The following RBFOX1 variants were observed in gnomAD, a reference collection of about 807,000 sequenced individuals.
RBFOX1 encodes the protein RNA binding protein fox-1 homolog 1.
In RBFOX1, 8 loss-of-function variants were observed where a neutral mutation model predicts 57.7. The ratio of observed to expected loss-of-function variants is 0.14; its 90% CI spans 0.08 to 0.25. The LOEUF (loss-of-function observed/expected upper bound fraction) is 0.25. Ranked by LOEUF, RBFOX1 falls within the 10% of genes least tolerant of loss-of-function variation. The pLI is 1.00. For synonymous variants in RBFOX1, 326 were observed against 222.4 expected, an observed-to-expected ratio of 1.47 and a Z score of -4.15; for missense variants, 611 against 548.5, an observed-to-expected ratio of 1.11 and a Z score of -1.14.
chr16:6,084,848 T>G (rs1163296959), intron 1 of RBFOX1, among the ~76,000 whole-genome samples: 1 of 152,188 alleles, frequency 6.6e-6, no homozygotes, highest in Non-Finnish European at 1.5e-5. Flanking sequence ...TTAAGTAATT[T>G]TGACCTTGAG....
intron 2 of RBFOX1, among the ~76,000 whole-genome samples, chr16:5,544,394 A>G (rs1567213103): frequency 1.3e-5 from 2 of 152,228 alleles, no homozygotes; most frequent in East Asian, 3.8e-4. Context: ...AAAACACAAC[A>G]TATCAAAATT....
intron 5 of RBFOX1, among the ~76,000 whole-genome samples, chr16:7,520,441 G>A (rs1453185515): frequency 6.6e-6 from 1 of 151,926 alleles, no homozygotes; most frequent in Non-Finnish European, 1.5e-5. Flanking sequence ...CCCTCTCCCC[G>A]GCCCCTGGCA....
At chr16:6,838,502 A>G (rs570003182) in intron 3 of RBFOX1, among the ~76,000 whole-genome samples, 1 of 152,332 alleles carries the variant, frequency 6.6e-6, no homozygotes, top group African/African-American at 2.4e-5. Context: ...GCATGCAATT[A>G]AAAGTGGGTA....
chr16:5,879,510 C>G (rs542343980), intron 4 of RBFOX1, among the ~76,000 whole-genome samples: 2 of 152,074 alleles, frequency 1.3e-5, no homozygotes, highest in Non-Finnish European at 2.9e-5. Context: ...TTGTATTTTT[C>G]GTGGAGACAG....
intron 3 of RBFOX1, among the ~76,000 whole-genome samples, chr16:5,799,491 C>G (rs1442407085): frequency 1.3e-5 from 2 of 152,188 alleles, no homozygotes; most frequent in Non-Finnish European, 2.9e-5. Flanking sequence ...GATATGGAAG[C>G]AACATACATT....
intron 11 of RBFOX1, among the ~76,000 whole-genome samples, chr16:7,643,628 C>T (rs921963859): frequency 6.6e-6 from 1 of 152,198 alleles, no homozygotes; most frequent in Non-Finnish European, 1.5e-5. Context: ...TGCTCACTAA[C>T]TCTACAGAAT....
At chr16:7,018,253 T>A (rs778706178) in intron 3 of RBFOX1, among the ~76,000 whole-genome samples, 1 of 152,134 alleles carries the variant, frequency 6.6e-6, no homozygotes, top group Non-Finnish European at 1.5e-5. Context: ...TCTAGGTGTT[T>A]CCTCCAGCTT....
At chr16:6,845,405 C>A (rs1432316373) in intron 3 of RBFOX1, among the ~76,000 whole-genome samples, 4 of 151,974 alleles carry the variant, frequency 2.6e-5, no homozygotes, top group African/African-American at 9.7e-5. Context: ...TATGGCCAGA[C>A]AGTTGTCCCA....
At chr16:6,991,810 G>C (rs988448443) in intron 3 of RBFOX1, among the ~76,000 whole-genome samples, 5 of 152,144 alleles carry the variant, frequency 3.3e-5, no homozygotes, top group South Asian at 4.1e-4. Flanking sequence ...GTGCTGCTAG[G>C]ATTACAGGTG....
chr16:7,270,681 T>C (rs1367646202), intron 4 of RBFOX1, among the ~76,000 whole-genome samples: 1 of 152,156 alleles, frequency 6.6e-6, no homozygotes, highest in East Asian at 1.9e-4. Context: ...ACCTTCTCTT[T>C]AAAAATGGAA....
chr16:5,891,628 A>G (rs2058046719), intron 4 of RBFOX1, among the ~76,000 whole-genome samples: 1 of 152,188 alleles, frequency 6.6e-6, no homozygotes, highest in African/African-American at 2.4e-5. Context: ...AGGGTGCACC[A>G]GGAAGCTCCG....
chr16:7,060,337 G>A (rs541507645), intron 4 of RBFOX1, among the ~76,000 whole-genome samples: 13 of 152,108 alleles, frequency 8.5e-5, no homozygotes, highest in Admixed American at 3.9e-4. Context: ...GGTGTATGTG[G>A]GAAGGTTAAT....
intron 4 of RBFOX1, among the ~76,000 whole-genome samples, chr16:6,004,304 C>A (rs943547128): frequency 3.3e-5 from 5 of 152,218 alleles, no homozygotes; most frequent in African/African-American, 1.2e-4. Flanking sequence ...TTGGACATTT[C>A]ACTTAGCTTC....
chr16:6,467,066 A>T (rs1457052948), intron 2 of RBFOX1, among the ~76,000 whole-genome samples: 1 of 151,050 alleles, frequency 6.6e-6, no homozygotes, highest in Non-Finnish European at 1.5e-5. Context: ...ATGGGATTTT[A>T]TTTAATATAC....
At chr16:7,199,656 G>A (rs1376009001) in intron 4 of RBFOX1, among the ~76,000 whole-genome samples, 1 of 152,202 alleles carries the variant, frequency 6.6e-6, no homozygotes, top group Non-Finnish European at 1.5e-5. Context: ...CACTTTGGCA[G>A]GCTGAGGCAG....
intron 2 of RBFOX1, among the ~76,000 whole-genome samples, chr16:6,342,423 C>G (rs903118404): frequency 2.0e-5 from 3 of 152,074 alleles, no homozygotes; most frequent in African/African-American, 4.8e-5. Context: ...TGAATGAATA[C>G]AAAACGTCAA....
chr16:7,036,707 AAAC>A (rs1369359292), intron 3 of RBFOX1, among the ~76,000 whole-genome samples: 21 of 132,868 alleles, frequency 1.6e-4, no homozygotes, highest in Non-Finnish European at 3.4e-4. Context: ...ACAAACAAAC[AAAC>A]AAAAAAAACA....
intron 3 of RBFOX1, among the ~76,000 whole-genome samples, chr16:6,973,221 C>CA (rs2085988572): frequency 6.6e-6 from 1 of 151,940 alleles, no homozygotes; most frequent in African/African-American, 2.4e-5. Flanking sequence ...TGGAGGATAT[C>CA]AGGGGTTCTT....
At chr16:5,517,383 C>G (rs746879002) in intron 2 of RBFOX1, among the ~76,000 whole-genome samples, 1 of 152,180 alleles carries the variant, frequency 6.6e-6, no homozygotes, top group Non-Finnish European at 1.5e-5. Context: ...ACTCATCTAC[C>G]CTTGTCCAGC....
Sources: allele counts gnomAD v4.1 joint callset (sites outside exome capture counted in the v4.1 genomes callset), GRCh38; gene constraint gnomAD v4.1.1; transcripts MANE v1.5; gene names NCBI Gene and HGNC (gene_info 2026-07-23, HGNC 2026-07-21).